Variants in SLC44A5 observed in about 807,000 individuals in gnomAD.
SLC44A5 encodes the protein choline transporter-like protein 5.
A neutral mutation model predicts 101.8 loss-of-function variants in SLC44A5; 57 were observed. The observed-to-expected ratio is 0.56, with a 90% CI of 0.45 to 0.70. SLC44A5 has a LOEUF of 0.70. Ranked by LOEUF, SLC44A5 falls within the 30% of genes least tolerant of loss-of-function variation. The pLI, the probability that SLC44A5 is intolerant of heterozygous loss-of-function variation, is 0.00. For synonymous variants in SLC44A5, 281 were observed against 290.9 expected, an observed-to-expected ratio of 0.97 and a Z score of 0.35; for missense variants, 737 against 853.1, an observed-to-expected ratio of 0.86 and a Z score of 1.70.
At chr1:75,296,356 G>GT (rs755157778) in intron 5 of SLC44A5, among the ~76,000 whole-genome samples, 134 of 99,372 alleles carry the variant, frequency 1.3e-3, no homozygotes, top group Non-Finnish European at 1.7e-3. Flanking sequence ...CCTCTAGCCA[G>GT]TTTTTTTTTC....
intron 3 of SLC44A5, among the ~76,000 whole-genome samples, chr1:75,356,408 A>G (rs1406843091): frequency 1.3e-5 from 2 of 151,828 alleles, no homozygotes; most frequent in Non-Finnish European, 2.9e-5. Context: ...TTTTTAACAA[A>G]AAGTTTAAAA....
chr1:75,603,890 G>T (rs1675163512), intron 1 of SLC44A5, among the ~76,000 whole-genome samples: 1 of 149,016 alleles, frequency 6.7e-6, no homozygotes, highest in Admixed American at 6.8e-5. Flanking sequence ...AATTGTTTAA[G>T]TTCCTTATAG....
chr1:75,370,465 T>G (rs1258763259), intron 3 of SLC44A5, among the ~76,000 whole-genome samples: 1 of 152,148 alleles, frequency 6.6e-6, no homozygotes, highest in Non-Finnish European at 1.5e-5. Context: ...CGCCCAGTAG[T>G]GTGTGTATAC....
chr1:75,676,585 T>C, the SLC44A5 span, among the ~76,000 whole-genome samples: 1 of 152,160 alleles, frequency 6.6e-6, no homozygotes, highest in African/African-American at 2.4e-5. Flanking sequence ...AAATAGCTAA[T>C]GCATACTGGG....
intron 1 of SLC44A5, among the ~76,000 whole-genome samples, chr1:75,585,546 T>C (rs181794103): frequency 3.3e-5 from 5 of 152,106 alleles, no homozygotes; most frequent in Admixed American, 1.3e-4. Context: ...ACCTGGACAA[T>C]TGCATTTAAA....
chr1:75,545,197 T>C (rs1205352416), intron 1 of SLC44A5, among the ~76,000 whole-genome samples: 1 of 152,218 alleles, frequency 6.6e-6, no homozygotes, highest in Non-Finnish European at 1.5e-5. Flanking sequence ...TCATCCTTTT[T>C]AATGGCTGCA....
chr1:75,478,187 C>T (rs953724079), intron 2 of SLC44A5, among the ~76,000 whole-genome samples: 4 of 152,094 alleles, frequency 2.6e-5, no homozygotes, highest in African/African-American at 4.8e-5. Flanking sequence ...AAATCCTTTA[C>T]AGACAAGCAA....
At chr1:75,650,186 T>A in the SLC44A5 span, among the ~76,000 whole-genome samples, 1 of 152,138 alleles carries the variant, frequency 6.6e-6, no homozygotes, top group South Asian at 2.1e-4. Flanking sequence ...TACCCATAGG[T>A]AATTTCTCCT....
intron 1 of SLC44A5, among the ~76,000 whole-genome samples, chr1:75,572,951 C>T (rs1381959857): frequency 1.3e-5 from 2 of 151,372 alleles, no homozygotes; most frequent in African/African-American, 4.9e-5. Flanking sequence ...GGCAAAACCC[C>T]GTCTCTACTA....
intron 1 of SLC44A5, among the ~76,000 whole-genome samples, chr1:75,592,279 A>C (rs1462362268): frequency 6.6e-6 from 1 of 152,144 alleles, no homozygotes; most frequent in Non-Finnish European, 1.5e-5. Flanking sequence ...TATAATAGCC[A>C]CACATAAAAT....
At chr1:75,686,132 A>C in the SLC44A5 span, among the ~76,000 whole-genome samples, 1 of 152,154 alleles carries the variant, frequency 6.6e-6, no homozygotes, top group African/African-American at 2.4e-5. Context: ...GGTCCCTCCC[A>C]TGACACATGG....
chr1:75,247,270 T>C (rs911063881), intron 7 of SLC44A5, among the ~76,000 whole-genome samples: 2 of 151,774 alleles, frequency 1.3e-5, no homozygotes, highest in Admixed American at 6.6e-5. Context: ...GAGAGAGAAA[T>C]CAAGGATAAG....
intron 1 of SLC44A5, among the ~76,000 whole-genome samples, chr1:75,607,844 C>A (rs1675416777): frequency 6.6e-6 from 1 of 152,004 alleles, no homozygotes; most frequent in Non-Finnish European, 1.5e-5. Context: ...TCAATTAAAC[C>A]TCTTTCCTTT....
intron 2 of SLC44A5, among the ~76,000 whole-genome samples, chr1:75,479,160 A>G (rs1297495998): frequency 3.9e-5 from 6 of 152,244 alleles, no homozygotes; most frequent in Middle Eastern, 3.2e-3. Context: ...TACTGGGTAC[A>G]TAACGAAATG....
At chr1:75,244,076 C>T (rs1648898156) in intron 7 of SLC44A5, among the ~76,000 whole-genome samples, 1 of 152,206 alleles carries the variant, frequency 6.6e-6, no homozygotes, top group Non-Finnish European at 1.5e-5. Flanking sequence ...AGAAGCAATG[C>T]TGGCTCCATG....
the SLC44A5 span, among the ~76,000 whole-genome samples, chr1:75,639,973 T>C: frequency 6.6e-6 from 1 of 152,070 alleles, no homozygotes; most frequent in Admixed American, 6.6e-5. Context: ...TTGTTTGTCT[T>C]ATGATCTATA....
At chr1:75,286,658 T>A (rs1460123661) in intron 5 of SLC44A5, among the ~76,000 whole-genome samples, 2 of 152,176 alleles carry the variant, frequency 1.3e-5, no homozygotes, top group African/African-American at 4.8e-5. Flanking sequence ...GTTCTTGTCA[T>A]GCTGGCTTGG....
chr1:75,274,818 A>G, intron 6 of SLC44A5, 140 bp downstream of exon 6: 2 of 653,968 alleles, frequency 3.1e-6, no homozygotes, highest in East Asian at 2.8e-5. Flanking sequence ...GCTTATAGCT[A>G]TCTGTTAGAA....
chr1:75,610,166 CACACACACAT>C (rs1675571817), intron 1 of SLC44A5, among the ~76,000 whole-genome samples: 1 of 147,362 alleles, frequency 6.8e-6, no homozygotes, highest in African/African-American at 2.5e-5. Context: ...CACACACACA[CACACACACAT>C]AGTGAAGTCT....
Sources: allele counts gnomAD v4.1 joint callset (sites outside exome capture counted in the v4.1 genomes callset), GRCh38; gene constraint gnomAD v4.1.1; transcripts MANE v1.5; gene names NCBI Gene and HGNC (gene_info 2026-07-23, HGNC 2026-07-21).